Variants in ANXA11 observed in about 807,000 individuals in gnomAD.
The protein encoded by ANXA11 is annexin A11, also known as 56 kDa autoantigen.
In ANXA11, 57 loss-of-function variants were observed where a neutral mutation model predicts 64.7. The ratio of observed to expected loss-of-function variants is 0.88; its 90% CI spans 0.71 to 1.10. The LOEUF (loss-of-function observed/expected upper bound fraction) is 1.10. Ranked by LOEUF, ANXA11 falls within the 50% of genes least tolerant of loss-of-function variation. The pLI is 0.00. For missense variants in ANXA11, 675 were observed against 670.7 expected (o/e 1.01, Z -0.07); for synonymous variants, 260 against 265.2 (o/e 0.98, Z 0.19).
intron 1 of ANXA11, among the ~76,000 whole-genome samples, chr10:80,188,127 A>G (rs913711073): frequency 1.3e-5 from 2 of 150,674 alleles, no homozygotes; most frequent in Admixed American, 6.6e-5. Context: ...ACCACCCCCA[A>G]TTACTCTCTC....
chr10:80,187,358 T>G (rs1418445533), intron 1 of ANXA11, among the ~76,000 whole-genome samples: 1 of 152,222 alleles, frequency 6.6e-6, no homozygotes, highest in East Asian at 1.9e-4. Flanking sequence ...CTATCCTATT[T>G]GTGAACCAGA....
intron 8 of ANXA11, among the ~76,000 whole-genome samples, chr10:80,165,646 CTT>C (rs1401113604): frequency 6.6e-6 from 1 of 152,192 alleles, no homozygotes; most frequent in Non-Finnish European, 1.5e-5. Flanking sequence ...CCTGGGCCCT[CTT>C]TACCCACATG....
chr10:80,158,892 G>C (rs537769310), intron 13 of ANXA11, among the ~76,000 whole-genome samples: 25 of 152,146 alleles, frequency 1.6e-4, no homozygotes, highest in Admixed American at 8.5e-4. Context: ...ACACACACAA[G>C]ACACCTCCAG....
At chr10:80,170,701 C>T in intron 4 of ANXA11, 99 bp downstream of exon 4, 1 of 953,904 alleles carries the variant, frequency 1.0e-6, no homozygotes, top group South Asian at 2.2e-5. Flanking sequence ...CAGCAACACA[C>T]ACATAGACAA....
chr10:80,167,160 C>A (rs1490608632), intron 6 of ANXA11, 66 bp downstream of exon 6: 1 of 1,528,422 alleles, frequency 6.5e-7, no homozygotes, highest in East Asian at 2.3e-5. Context: ...GCCCACAGAG[C>A]CACAGTGAAA....
chr10:80,198,040 C>T (rs992860615), intron 1 of ANXA11, among the ~76,000 whole-genome samples: 4 of 152,174 alleles, frequency 2.6e-5, no homozygotes, highest in Non-Finnish European at 5.9e-5. Context: ...CCAGACCTGA[C>T]GGCTGGGAGC....
rs1845586546 is a variant in ANXA11 at position 80,163,292 on chromosome 10, A to G, written c.1086+57T>C. The G allele has an allele frequency of 6.9e-6, 11 of 1,597,220 alleles. No individual in the cohort carries two copies. The Admixed American group carries it at 1.0e-4, about 15-fold the overall frequency. ...CCTAGGGTACCTCTCTCAGGAAGCAAGAAAGCGGGGTGCATCCCTGCTTTA... is the reference window on the plus strand; with the variant it reads ...CCTAGGGTACCTCTCTCAGGAAGCAGGAAAGCGGGGTGCATCCCTGCTTTA... On this transcript the variant is annotated intron_variant, in intron 11 of 15. Transcript: ENST00000422982.
intron 13 of ANXA11, 39 bp from the exon 14 acceptor site, chr10:80,158,064 A>T: frequency 6.2e-7 from 1 of 1,601,998 alleles, no homozygotes. Flanking sequence ...ATCTGCAGAA[A>T]ATTCTCAGCC....
chr10:80,186,625 T>C (rs917408015), intron 1 of ANXA11, among the ~76,000 whole-genome samples: 2 of 152,144 alleles, frequency 1.3e-5, no homozygotes, highest in Non-Finnish European at 2.9e-5. Flanking sequence ...TCAGCCTGCA[T>C]GAAGCTCCAA....
intron 1 of ANXA11, chr10:80,180,972 A>C (rs1846334799): frequency 6.6e-6 from 1 of 152,256 alleles, no homozygotes; most frequent in African/African-American, 2.4e-5. Context: ...GTTATGAAGC[A>C]GCAAGAAGGC....
intron 3 of ANXA11, chr10:80,171,768 C>T: frequency 1.0e-6 from 1 of 985,576 alleles, no homozygotes; most frequent in Non-Finnish European, 1.2e-6. Context: ...TTCCTGCCTC[C>T]TCCTCTCTTG....
intron 1 of ANXA11, among the ~76,000 whole-genome samples, chr10:80,200,879 A>G (rs1840389419): frequency 6.6e-6 from 1 of 152,084 alleles, no homozygotes; most frequent in Admixed American, 6.5e-5. Context: ...TCATTCATTC[A>G]TGAGAATGAA....
chr10:80,163,664 T>A, intron 9 of ANXA11, 51 bp from the exon 10 acceptor site: 1 of 1,498,602 alleles, frequency 6.7e-7, no homozygotes, highest in Non-Finnish European at 9.1e-7. Flanking sequence ...TTTATGGAGC[T>A]GCCCATTGCA....
intron 3 of ANXA11, among the ~76,000 whole-genome samples, chr10:80,172,516 C>T (rs1846017488): frequency 6.6e-6 from 1 of 152,174 alleles, no homozygotes; most frequent in Non-Finnish European, 1.5e-5. Context: ...CTCAAAGTGA[C>T]AGCATTTGCC....
chr10:80,192,432 G>A (rs1846816762), intron 1 of ANXA11, among the ~76,000 whole-genome samples: 1 of 151,842 alleles, frequency 6.6e-6, no homozygotes, highest in Non-Finnish European at 1.5e-5. Context: ...ACGATGAGAA[G>A]TAGAGGACAA....
At chr10:80,175,618 GA>G (rs1846142053) in intron 2 of ANXA11, among the ~76,000 whole-genome samples, 1 of 151,886 alleles carries the variant, frequency 6.6e-6, no homozygotes, top group South Asian at 2.1e-4. Flanking sequence ...AAAAACTTAG[GA>G]AAAAAGTTTT....
At chr10:80,189,574 T>C (rs1383597511) in intron 1 of ANXA11, among the ~76,000 whole-genome samples, 1 of 152,246 alleles carries the variant, frequency 6.6e-6, no homozygotes, top group Non-Finnish European at 1.5e-5. Flanking sequence ...GGATCAGCAA[T>C]GTTTCAGACA....
Position 80,161,981 on chromosome 10 carries a change from C to G in ANXA11, c.1134G>C (p.Lys378Asn). 1 of 1,612,830 alleles carries G rather than the reference C, an allele frequency of 6.2e-7. No homozygotes were observed. Among genetic ancestry groups the G allele is most frequent in the Non-Finnish European group, 8.5e-7 (1 of 1,179,904 alleles). ...TCCGGGAGCACAGAACCGCATTGAA[C>G]TTGGACTCGTCTGTTCCCAGGCGGT... ...GENRLGTDES[K>N]FNAVLCSRSR... is the part of the protein sequence containing the mutation. Residue 378 changes from lysine to asparagine, a missense_variant, in exon 12 of 16, where the codon AAG becomes AAC. Transcript: ENST00000422982.
At chr10:80,190,832 T>C (rs1846744126) in intron 1 of ANXA11, among the ~76,000 whole-genome samples, 1 of 147,374 alleles carries the variant, frequency 6.8e-6, no homozygotes, top group Admixed American at 6.7e-5. Flanking sequence ...GGCTCACGCC[T>C]GTAACCCCAG....
Sources: gnomAD v4.1 joint callset for allele counts (sites outside exome capture counted in the v4.1 genomes callset) on GRCh38, gnomAD v4.1.1 for gene constraint, MANE v1.5 for transcripts, NCBI Gene and HGNC (gene_info 2026-07-23, HGNC 2026-07-21) for gene names.